IRAK2: variants seen among roughly 807,000 people sequenced by gnomAD.
IRAK2 encodes interleukin-1 receptor-associated kinase-like 2.
Under a neutral mutation model 72.0 loss-of-function variants are expected in IRAK2, and 57 were observed. The ratio of observed to expected loss-of-function variants is 0.79; its 90% CI spans 0.64 to 0.99. The LOEUF is 0.99. Ranked by LOEUF, IRAK2 falls within the 50% of genes least tolerant of loss-of-function variation. The pLI is 0.00. For missense variants in IRAK2, 790 were observed against 794.4 expected (o/e 0.99, Z 0.07); for synonymous variants, 293 against 312.7 (o/e 0.94, Z 0.67).
intron 6 of IRAK2, among the ~76,000 whole-genome samples, chr3:10,215,552 G>T (rs1015841303): frequency 6.6e-6 from 1 of 151,890 alleles, no homozygotes; most frequent in Non-Finnish European, 1.5e-5. Context: ...ATTTTTAATT[G>T]TTAAAACTTT....
At chr3:10,223,808 C>T (rs1460780470) in intron 9 of IRAK2, among the ~76,000 whole-genome samples, 1 of 152,210 alleles carries the variant, frequency 6.6e-6, no homozygotes, top group African/African-American at 2.4e-5. Flanking sequence ...CCCCTTGGGC[C>T]TCACCCTCTT....
chr3:10,192,056 G>GTGTGT (rs950864551), intron 2 of IRAK2, among the ~76,000 whole-genome samples: 4 of 151,534 alleles, frequency 2.6e-5, no homozygotes, highest in African/African-American at 9.7e-5. Context: ...GTGTGTGTGT[G>GTGTGT]TGTGTTGTGT....
chr3:10,188,918 C>T (rs1697128119), intron 2 of IRAK2, among the ~76,000 whole-genome samples: 1 of 152,258 alleles, frequency 6.6e-6, no homozygotes, highest in African/African-American at 2.4e-5. Context: ...GCCTTGGCCT[C>T]CCAAAATATT....
At chr3:10,172,109 G>A (rs1356535646) in intron 1 of IRAK2, among the ~76,000 whole-genome samples, 1 of 152,082 alleles carries the variant, frequency 6.6e-6, no homozygotes, top group African/African-American at 2.4e-5. Flanking sequence ...GGTGGCTCAT[G>A]CCTGTAATCC....
chr3:10,168,670 C>T (rs1696743597), intron 1 of IRAK2, among the ~76,000 whole-genome samples: 1 of 152,174 alleles, frequency 6.6e-6, no homozygotes, highest in African/African-American at 2.4e-5. Flanking sequence ...TGCGAGGCTC[C>T]CCACTGGGAT....
Position 10,165,256 on chromosome 3 carries a change from G to T in IRAK2, c.94+208G>T, listed in dbSNP as rs554343038. On this transcript the variant is annotated intron_variant, in intron 1 of 12. Transcript: ENST00000256458. ...GTGGTCTCTGAGGACGTCTGTCGAC[G>T]AGCAGGGGCCGCCGCCACTGCGCTC... Among the ~76,000 whole-genome samples the T allele has an allele frequency of 2.6e-5, 4 of 152,292 alleles. No individual in the cohort carries two copies. The South Asian group carries it at 6.2e-4, about 24-fold the overall frequency.
In IRAK2 at chr3:10,214,089, C is replaced by G. The variant is rs566134641; in HGVS notation, c.788+541C>G. Among the ~76,000 whole-genome samples the G allele has an allele frequency of 3.3e-5, 5 of 151,778 alleles. No homozygotes were observed. The South Asian group carries it at 1.0e-3, about 32-fold the overall frequency. ...GATTACAGGCGTGCGCCACCAGGCC[C>G]GGCTAATTTTCATATTTTTAGTAGA... On this transcript the variant is annotated intron_variant, in intron 6 of 12. Transcript: ENST00000256458.
intron 2 of IRAK2, among the ~76,000 whole-genome samples, chr3:10,189,431 G>A (rs1430404769): frequency 6.6e-6 from 1 of 152,230 alleles, no homozygotes. Context: ...CCACCTGGGA[G>A]TATCCCCTGT....
At chr3:10,205,762 TGAATACATAACACTG>T in intron 3 of IRAK2, among the ~76,000 whole-genome samples, 1 of 152,360 alleles carries the variant, frequency 6.6e-6, no homozygotes, top group South Asian at 2.1e-4. Flanking sequence ...AACACAAGGC[TGAATACATAACACTG>T]GAATTAAAGT....
At chr3:10,209,012 A>T (rs1471155935) in intron 3 of IRAK2, among the ~76,000 whole-genome samples, 1 of 152,006 alleles carries the variant, frequency 6.6e-6, no homozygotes, top group Non-Finnish European at 1.5e-5. Context: ...ACTGCCCCAT[A>T]TCTGCTTGTT....
intron 2 of IRAK2, among the ~76,000 whole-genome samples, chr3:10,193,800 C>T (rs1444066550): frequency 6.6e-6 from 1 of 152,354 alleles, no homozygotes; most frequent in East Asian, 1.9e-4. Context: ...GTGACTGAGG[C>T]TGGCTGCCAA....
chr3:10,192,023 A>AGTGT (rs56802078), intron 2 of IRAK2, among the ~76,000 whole-genome samples: 10,569 of 135,676 alleles, frequency 0.078, 415 homozygotes, highest in South Asian at 0.12. Flanking sequence ...TTGAGTTGGG[A>AGTGT]GTGTGTGTGT....
At chr3:10,227,534 C>T (rs1486962672) in intron 10 of IRAK2, among the ~76,000 whole-genome samples, 1 of 152,078 alleles carries the variant, frequency 6.6e-6, no homozygotes, top group Admixed American at 6.6e-5. Flanking sequence ...TCAATTTTTC[C>T]ATGATAGAGT....
At chr3:10,223,583 G>C (rs1697728004) in intron 9 of IRAK2, among the ~76,000 whole-genome samples, 1 of 152,254 alleles carries the variant, frequency 6.6e-6, no homozygotes, top group Non-Finnish European at 1.5e-5. Context: ...TTTACCACAA[G>C]ATTAATTCAA....
intron 3 of IRAK2, among the ~76,000 whole-genome samples, chr3:10,204,819 T>C (rs1697411568): frequency 6.6e-6 from 1 of 151,946 alleles, no homozygotes; most frequent in African/African-American, 2.4e-5. Flanking sequence ...AGCATTTCCA[T>C]AGGAAATGGT....
At chr3:10,166,481 G>A (rs1005383019) in intron 1 of IRAK2, among the ~76,000 whole-genome samples, 6 of 152,142 alleles carry the variant, frequency 3.9e-5, no homozygotes, top group South Asian at 4.1e-4. Context: ...GTATGACTTT[G>A]GGCCAGTTTG....
chr3:10,171,279 C>T (rs1050630698), intron 1 of IRAK2, among the ~76,000 whole-genome samples: 2 of 152,176 alleles, frequency 1.3e-5, no homozygotes, highest in South Asian at 4.1e-4. Context: ...CCCTGCTTTG[C>T]CCTGCCCAGC....
intron 12 of IRAK2, among the ~76,000 whole-genome samples, chr3:10,241,261 AT>A (rs1698055318): frequency 6.7e-6 from 1 of 149,408 alleles, no homozygotes; most frequent in African/African-American, 2.5e-5. Flanking sequence ...AGATGCAAAA[AT>A]TAGCCAGGTG....
intron 1 of IRAK2, among the ~76,000 whole-genome samples, chr3:10,175,090 T>A (rs1293990925): frequency 2.3e-4 from 35 of 150,814 alleles, no homozygotes; most frequent in Non-Finnish European, 4.4e-4. Context: ...TGACACCCTG[T>A]CTCAAAAAAA....
Sources: allele counts gnomAD v4.1 joint callset (sites outside exome capture counted in the v4.1 genomes callset), GRCh38; gene constraint gnomAD v4.1.1; transcripts MANE v1.5; gene names NCBI Gene and HGNC (gene_info 2026-07-23, HGNC 2026-07-21).